FRMPD3: variants seen among roughly 807,000 people sequenced by gnomAD.
FRMPD3 encodes FERM and PDZ domain containing 3.
Under a neutral mutation model 97.9 loss-of-function variants are expected in FRMPD3, and 42 were observed. The observed-to-expected ratio is 0.43, with a 90% CI of 0.34 to 0.55. The LOEUF (loss-of-function observed/expected upper bound fraction) is 0.55. FRMPD3 is among the 20% of genes least tolerant of loss of function. FRMPD3 has a pLI of 0.03. For synonymous variants in FRMPD3, 577 were observed against 581.1 expected, an observed-to-expected ratio of 0.99 and a Z score of 0.10; for missense variants, 1,303 against 1,457.7, an observed-to-expected ratio of 0.89 and a Z score of 1.73.
In FRMPD3 at chrX:107,530,414, C is replaced by G. The variant is rs755232905; in HGVS notation, c.154C>G (p.Pro52Ala). 1 of 1,186,332 alleles carries G rather than the reference C, an allele frequency of 8.4e-7. No homozygotes were observed. Among genetic ancestry groups the G allele is most frequent in the South Asian group, 1.9e-5 (1 of 53,783 alleles). Residue 52 changes from proline (P) to alanine (A), a missense_variant, in exon 3 of 15, where the codon CCC becomes GCC. Coordinates refer to ENST00000683843, the MANE Select transcript of FRMPD3 (RefSeq NM_001388459.1). ...VVVRSVRPGG[P>A]SENKLLAGDQ... ...CTCTCTCCTCTCCTTTGCAGGAGGC[C>G]CCTCTGAGAACAAGCTCCTGGCTGG...
rs1237932431 is a variant in FRMPD3, at chrX:107,549,336, GA to G, written c.403-703del. Among the ~76,000 whole-genome samples the G allele has an allele frequency of 1.1e-4, 12 of 105,112 alleles. 1 individual carries two copies. Among genetic ancestry groups the G allele is most frequent in the South Asian group, 8.4e-4 (2 of 2,369 alleles). The allele number at this position is 105,112 out of a possible 115,157, so 91.3% of individuals were successfully genotyped here. A position where few individuals can be genotyped will look rare whatever the true frequency, so the allele number is the denominator to read the frequency against. The stretch of plus-strand genomic sequence containing the variant: ...AGACTCTGTCTCAAAAAAAGAAAAA[GA>G]AAAAAAAAAGAAAATGTCTGAGGGT... On this transcript the variant is annotated intron_variant, in intron 5 of 14. Transcript: ENST00000683843.
intron 12 of FRMPD3, among the ~76,000 whole-genome samples, chrX:107,572,911 A>ACTACTACTACTACTAC (rs1365575864): frequency 5.1e-4 from 45 of 87,598 alleles, no homozygotes; most frequent in African/African-American, 2.2e-3. Context: ...ACTACTACTA[A>ACTACTACTACTACTAC]TAATAATAAT....
At chrX:107,516,284 AT>A (rs1212752861) in intron 1 of FRMPD3, among the ~76,000 whole-genome samples, 1 of 110,539 alleles carries the variant, frequency 9.0e-6, no homozygotes, top group Non-Finnish European at 1.9e-5. Context: ...ATTATTGGAC[AT>A]TTGGGTTGGT....
intron 1 of FRMPD3, among the ~76,000 whole-genome samples, chrX:107,516,800 C>G (rs1248957388): frequency 9.1e-6 from 1 of 110,058 alleles, no homozygotes; most frequent in African/African-American, 3.3e-5. Context: ...GAGTAGATTG[C>G]AAAAATTTTC....
At chrX:107,456,111 A>G (rs999666923) in intron 1 of FRMPD3, among the ~76,000 whole-genome samples, 1 of 110,411 alleles carries the variant, frequency 9.1e-6, no homozygotes, top group African/African-American at 3.3e-5. Flanking sequence ...CGTTGCCCAG[A>G]TGAGTACAGT....
chrX:107,549,565 G>A (rs755862365), intron 5 of FRMPD3, among the ~76,000 whole-genome samples: 2 of 111,584 alleles, frequency 1.8e-5, no homozygotes, highest in South Asian at 7.6e-4. Context: ...AAAGGGCCTA[G>A]GGAGGGGAAA....
At chrX:107,487,343 T>G (rs1349758863) in intron 1 of FRMPD3, among the ~76,000 whole-genome samples, 1 of 111,319 alleles carries the variant, frequency 9.0e-6, no homozygotes, top group Non-Finnish European at 1.9e-5. Context: ...AGATAAGAGA[T>G]GTTTGCAATG....
chrX:107,562,273 C>T (rs1922403829), intron 10 of FRMPD3, among the ~76,000 whole-genome samples: 1 of 112,281 alleles, frequency 8.9e-6, no homozygotes, highest in Non-Finnish European at 1.9e-5. Context: ...AGAGAAGAGG[C>T]CAGAGAGGTT....
chrX:107,487,137 C>T (rs932912593), intron 1 of FRMPD3, among the ~76,000 whole-genome samples: 3 of 109,904 alleles, frequency 2.7e-5, no homozygotes, highest in Non-Finnish European at 5.7e-5. Context: ...GCCTGTAATC[C>T]CAGTTTCTTG....
At chrX:107,540,960 T>A (rs372487210) in intron 4 of FRMPD3, among the ~76,000 whole-genome samples, 39 of 112,710 alleles carry the variant, frequency 3.5e-4, no homozygotes, top group South Asian at 1.1e-3. Flanking sequence ...GTTGGCAAAC[T>A]GTTTCTCTGA....
chrX:107,559,858 C>G (rs940300770), intron 8 of FRMPD3, among the ~76,000 whole-genome samples: 2 of 110,827 alleles, frequency 1.8e-5, no homozygotes, highest in Non-Finnish European at 3.8e-5. Context: ...TCTTTCTCCC[C>G]TTGTTTCCAT....
intron 1 of FRMPD3, among the ~76,000 whole-genome samples, chrX:107,503,563 G>A (rs1256030994): frequency 1.8e-5 from 2 of 112,311 alleles, no homozygotes; most frequent in Non-Finnish European, 3.8e-5. Flanking sequence ...GAAAATACCA[G>A]AATATCCTCA....
chrX:107,576,434 A>C lies in FRMPD3; in HGVS notation c.1416A>C (p.Pro472=). 4 of 1,210,724 alleles carry C rather than the reference A, an allele frequency of 3.3e-6. No individual in the cohort carries two copies. In the South Asian group the frequency reaches 7.0e-5, roughly 21 times the overall value. The change falls in exon 13 of 15, where the codon CCA becomes CCC. Residue 472 remains proline, a synonymous_variant. Coordinates refer to ENST00000683843, the MANE Select transcript of FRMPD3 (RefSeq NM_001388459.1). Reference sequence around the variant, plus strand: ...TCTTCTCCAGGCCTGCCAGCCAGCCACTTCCACCTCCAATGATCAAGGCAG... The same window carrying C: ...TCTTCTCCAGGCCTGCCAGCCAGCCCCTTCCACCTCCAATGATCAAGGCAG... ...KMVFSRPASQ[P]LPPPMIKADY...
chrX:107,554,530 G>T, intron 8 of FRMPD3, 26 bp downstream of exon 8: 1 of 1,197,169 alleles, frequency 8.4e-7, no homozygotes, highest in Non-Finnish European at 1.1e-6. Flanking sequence ...GGGATACACA[G>T]ACAGACCAGT....
At chrX:107,560,599 C>G (rs903995683) in intron 9 of FRMPD3, 128 bp from the exon 10 acceptor site, 3 of 916,331 alleles carry the variant, frequency 3.3e-6, no homozygotes, top group African/African-American at 4.0e-5. Flanking sequence ...ATCCCTGTCC[C>G]TTTTTCTTTC....
chrX:107,530,232 C>T (rs1204343238), intron 2 of FRMPD3, among the ~76,000 whole-genome samples, 177 bp from the exon 3 acceptor site: 2 of 112,166 alleles, frequency 1.8e-5, no homozygotes, highest in Admixed American at 9.4e-5. Context: ...GCAGCAGCAG[C>T]GGCAGCAACA....
chrX:107,524,005 C>T (rs767218647), intron 1 of FRMPD3, among the ~76,000 whole-genome samples: 3 of 112,398 alleles, frequency 2.7e-5, no homozygotes, highest in Non-Finnish European at 3.8e-5. Context: ...TCTTCCTTGC[C>T]GGAGTTCCTT....
chrX:107,527,828 A>C, intron 2 of FRMPD3, among the ~76,000 whole-genome samples: 1 of 111,743 alleles, frequency 8.9e-6, no homozygotes, highest in Non-Finnish European at 1.9e-5. Flanking sequence ...GAGGGCACAG[A>C]GGAAAAAAAA....
chrX:107,598,120 C>T lies in FRMPD3; in HGVS notation c.2241C>T (p.His747=), dbSNP rs1474762645. 3 of 1,203,222 alleles carry T rather than the reference C, an allele frequency of 2.5e-6. No individual in the cohort carries two copies. Among genetic ancestry groups the T allele is most frequent in the Non-Finnish European group, 1.1e-6 (1 of 890,779 alleles). Residue 747 remains histidine, a synonymous_variant, in exon 14 of 15, where the codon CAC becomes CAT. Coordinates refer to ENST00000683843, the MANE Select transcript of FRMPD3 (RefSeq NM_001388459.1). ...EALAASEDGP[H]PPPPQTAGLI... The stretch of plus-strand genomic sequence containing the variant: ...TGGCTGCATCCGAGGATGGACCACA[C>T]CCACCACCCCCACAGACTGCAGGTA...
Sources: allele counts gnomAD v4.1 joint callset (sites outside exome capture counted in the v4.1 genomes callset), GRCh38; gene constraint gnomAD v4.1.1; transcripts MANE v1.5; gene names NCBI Gene and HGNC (gene_info 2026-07-23, HGNC 2026-07-21).